DNAJC15: variants seen among roughly 807,000 people sequenced by gnomAD.
DNAJC15 encodes the protein DnaJ heat shock protein family (Hsp40) member C15.
A neutral mutation model predicts 22.4 loss-of-function variants in DNAJC15; 27 were observed. The ratio of observed to expected loss-of-function variants is 1.20; its 90% CI spans 0.89 to 1.66. DNAJC15 has a LOEUF of 1.66. Ranked by LOEUF, DNAJC15 falls within the 40% of genes most tolerant of loss-of-function variation. The pLI is 0.00. For synonymous variants in DNAJC15, 79 were observed against 63.2 expected, an observed-to-expected ratio of 1.25 and a Z score of -1.19; for missense variants, 208 against 187.1, an observed-to-expected ratio of 1.11 and a Z score of -0.65.
chr13:43,050,336 TCA>T (rs1418414420), intron 1 of DNAJC15, among the ~76,000 whole-genome samples: 1 of 152,136 alleles, frequency 6.6e-6, no homozygotes, highest in Non-Finnish European at 1.5e-5. Context: ...AGACAGGGTC[TCA>T]CTCTGTCACC....
At position 43,110,725 on chromosome 13, in the gene DNAJC15, G is replaced by A. The variant is rs2040820744; in HGVS notation, c.*3477G>A. On this transcript the variant is annotated 3_prime_UTR_variant, in exon 6 of 6. Coordinates refer to ENST00000379221, the MANE Select transcript of DNAJC15 (RefSeq NM_013238.3). Reference sequence around the variant, plus strand: ...ATATCATGAATTATGAGCTCTCTGAGAGCAAGGATCATATCAGTCTTGTTT... The same window carrying A: ...ATATCATGAATTATGAGCTCTCTGAAAGCAAGGATCATATCAGTCTTGTTT... 1 of 152,138 alleles carries A rather than the reference G, an allele frequency of 6.6e-6. No homozygotes were observed. Among genetic ancestry groups the A allele is most frequent in the African/African-American group, 2.4e-5 (1 of 41,396 alleles). The allele number at this position is 152,138 out of a possible 1,614,324, so 9.4% of individuals were successfully genotyped here.
chr13:43,027,910 A>G (rs7317866), intron 1 of DNAJC15, among the ~76,000 whole-genome samples: 46,800 of 151,660 alleles, frequency 0.31, 7,323 homozygotes, highest in African/African-American at 0.37. Flanking sequence ...ACCCTCCTCA[A>G]CCTCCCGAAG....
chr13:43,072,071 A>T (rs2040611879), intron 3 of DNAJC15, among the ~76,000 whole-genome samples: 1 of 152,150 alleles, frequency 6.6e-6, no homozygotes, highest in Non-Finnish European at 1.5e-5. Context: ...ATTCCTGCAT[A>T]CTCACAGCTA....
intron 1 of DNAJC15, among the ~76,000 whole-genome samples, chr13:43,064,764 T>A (rs557964064): frequency 1.3e-5 from 2 of 152,166 alleles, no homozygotes; most frequent in Non-Finnish European, 2.9e-5. Flanking sequence ...AGAGGGTTGC[T>A]CCAGCAGCAA....
intron 1 of DNAJC15, among the ~76,000 whole-genome samples, chr13:43,029,544 T>C (rs12322976): frequency 0.14 from 20,980 of 145,428 alleles, 1,978 homozygotes; most frequent in Non-Finnish European, 0.22. Context: ...TTTTTTTTTT[T>C]CCCCAGCTGT....
chr13:43,112,732 C>T lies in DNAJC15; in HGVS notation c.*5484C>T, dbSNP rs1320916108. ...GCTCAGAGGAGTTTAGGATCTTTTC[C>T]AAGATTACATAGCCAGTAAGTGGTG... is the stretch of plus-strand genomic sequence containing the variant. On this transcript the variant is annotated 3_prime_UTR_variant, in exon 6 of 6. Coordinates refer to ENST00000379221, the MANE Select transcript of DNAJC15 (RefSeq NM_013238.3). 1.3e-5 allele frequency: 2 copies of T among 152,056 alleles called. No individual in the cohort carries two copies. The highest frequency in any genetic ancestry group is 4.8e-5 in the African/African-American group (2 of 41,398). The allele number at this position is 152,056 out of a possible 1,614,324, so 9.4% of individuals were successfully genotyped here.
intron 1 of DNAJC15, among the ~76,000 whole-genome samples, chr13:43,028,327 A>G (rs1012959776): frequency 5.3e-5 from 8 of 151,068 alleles, no homozygotes; most frequent in African/African-American, 2.0e-4. Flanking sequence ...TTTCTCCTTT[A>G]CCTCCACCAT....
At chr13:43,107,101 G>T in intron 5 of DNAJC15, 77 bp from the exon 6 acceptor site, 1 of 1,141,678 alleles carries the variant, frequency 8.8e-7, no homozygotes. Context: ...TCAAAAAAGA[G>T]TATTTTTATA....
intron 1 of DNAJC15, among the ~76,000 whole-genome samples, chr13:43,034,050 T>C (rs1212116271): frequency 4.3e-5 from 6 of 138,000 alleles, no homozygotes; most frequent in Non-Finnish European, 7.8e-5. Flanking sequence ...AAAAAGAAAA[T>C]GACTTGCCAG....
chr13:43,062,432 G>A (rs2153440716), intron 1 of DNAJC15, among the ~76,000 whole-genome samples: 1 of 152,372 alleles, frequency 6.6e-6, no homozygotes, highest in East Asian at 1.9e-4. Context: ...AGGCAAGGCA[G>A]AGATGCAGAG....
At chr13:43,052,264 A>AT (rs978849260) in intron 1 of DNAJC15, among the ~76,000 whole-genome samples, 1 of 151,732 alleles carries the variant, frequency 6.6e-6, no homozygotes, top group Non-Finnish European at 1.5e-5. Context: ...CGCCCAGCCT[A>AT]TTTTTTGATT....
intron 1 of DNAJC15, among the ~76,000 whole-genome samples, chr13:43,024,858 G>T (rs1201336888): frequency 7.2e-6 from 1 of 139,430 alleles, no homozygotes; most frequent in African/African-American, 2.7e-5. Flanking sequence ...GAGTTTGGAG[G>T]ACAGCCTGGG....
At chr13:43,087,213 T>G (rs1421335966) in intron 5 of DNAJC15, among the ~76,000 whole-genome samples, 1 of 152,214 alleles carries the variant, frequency 6.6e-6, no homozygotes, top group Non-Finnish European at 1.5e-5. Context: ...GAGAATATAT[T>G]GACAACTGTG....
At chr13:43,101,373 G>T (rs188107570) in intron 5 of DNAJC15, among the ~76,000 whole-genome samples, 100 of 152,300 alleles carry the variant, frequency 6.6e-4, no homozygotes, top group African/African-American at 2.3e-3. Flanking sequence ...TTTGCCTTTT[G>T]ATTGGATTGT....
intron 1 of DNAJC15, among the ~76,000 whole-genome samples, chr13:43,024,436 C>G (rs563997242): frequency 3.3e-5 from 5 of 149,604 alleles, no homozygotes; most frequent in Non-Finnish European, 5.9e-5. Flanking sequence ...CTCCGCCTCC[C>G]GGTTTCAGGC....
In DNAJC15 at chr13:43,112,874, A is replaced by T. The variant is rs1476752012; in HGVS notation, c.*5626A>T. On this transcript the variant is annotated 3_prime_UTR_variant, in exon 6 of 6. Coordinates refer to ENST00000379221, the MANE Select transcript of DNAJC15 (RefSeq NM_013238.3). ...TGTATGACTTTTGGCTCATTTTTTG[A>T]TGCATGTGACCTGGGATTATAAATG... The T allele has an allele frequency of 2.6e-5, 4 of 152,186 alleles. No homozygotes were observed. Among genetic ancestry groups the T allele is most frequent in the Non-Finnish European group, 5.9e-5 (4 of 68,040 alleles). The allele number at this position is 152,186 out of a possible 1,614,324, so 9.4% of individuals were successfully genotyped here.
At chr13:43,039,911 C>T (rs1442001900) in intron 1 of DNAJC15, among the ~76,000 whole-genome samples, 3 of 151,988 alleles carry the variant, frequency 2.0e-5, no homozygotes, top group Admixed American at 6.6e-5. Flanking sequence ...CCCATTTACT[C>T]GGGAAGCTGA....
At chr13:43,071,210 C>A (rs558318649) in intron 3 of DNAJC15, among the ~76,000 whole-genome samples, 8 of 152,230 alleles carry the variant, frequency 5.3e-5, no homozygotes, top group Non-Finnish European at 1.0e-4. Context: ...CCGGGTAATT[C>A]AAGAGATTAT....
chr13:43,091,086 C>T (rs551369595), intron 5 of DNAJC15, among the ~76,000 whole-genome samples: 1 of 151,710 alleles, frequency 6.6e-6, no homozygotes, highest in South Asian at 2.1e-4. Context: ...TTTTTTATTT[C>T]TTTATTTTTT....
Sources: allele counts gnomAD v4.1 joint callset (sites outside exome capture counted in the v4.1 genomes callset), GRCh38; gene constraint gnomAD v4.1.1; transcripts MANE v1.5; gene names NCBI Gene and HGNC (gene_info 2026-07-23, HGNC 2026-07-21).